Variants in STN1 observed in about 807,000 individuals in gnomAD.
The protein encoded by STN1 is STN1 subunit of CST complex, also known as CST complex subunit STN1.
A neutral mutation model predicts 45.5 loss-of-function variants in STN1; 29 were observed. The ratio of observed to expected loss-of-function variants is 0.64; its 90% confidence interval spans 0.47 to 0.87. The LOEUF is 0.87. Ranked by LOEUF, STN1 falls within the 40% of genes least tolerant of loss-of-function variation. The pLI is 0.00. For missense variants in STN1, 376 were observed against 441.4 expected (o/e 0.85, Z 1.33); for synonymous variants, 148 against 159.0 (o/e 0.93, Z 0.52).
At chr10:103,914,197 A>G (rs918113360) in intron 2 of STN1, among the ~76,000 whole-genome samples, 12 of 151,744 alleles carry the variant, frequency 7.9e-5, no homozygotes, top group African/African-American at 2.9e-4. Flanking sequence ...TACCCACTAG[A>G]ATAATAGGAT....
At chr10:103,890,785 A>G (rs1215345913) in intron 8 of STN1, among the ~76,000 whole-genome samples, 1 of 152,244 alleles carries the variant, frequency 6.6e-6, no homozygotes, top group Non-Finnish European at 1.5e-5. Context: ...GTAAATCAAC[A>G]TCAGGAAATG....
intron 6 of STN1, 148 bp downstream of exon 6, chr10:103,898,729 T>C (rs1445891679): frequency 4.0e-6 from 3 of 750,374 alleles, no homozygotes; most frequent in South Asian, 1.9e-5. Flanking sequence ...AATTGAAGCA[T>C]AGAGAGGGTT....
At chr10:103,888,080 A>G (rs1165565313) in intron 9 of STN1, among the ~76,000 whole-genome samples, 3 of 152,306 alleles carry the variant, frequency 2.0e-5, no homozygotes, top group Non-Finnish European at 4.4e-5. Flanking sequence ...CACTGAAATA[A>G]TATATTGCTT....
chr10:103,905,100 A>G lies in STN1; in HGVS notation c.286T>C (p.Ser96Pro). The change falls in exon 4 of 10, where the codon TCT becomes CCT. Residue 96 changes from serine to proline, a missense_variant. By Grantham distance (74) the Ser-to-Pro change is moderately conservative (BLOSUM62 -1). Coordinates refer to ENST00000224950, the MANE Select transcript of STN1 (RefSeq NM_024928.5). ...CICWKKLNTE[S>P]VSAAPSAARE... ...TGGCAAATAAAATTACCTGATACAGACTCAGTATTCAACTTTTTCCAGCAG... is the reference window on the plus strand; with the variant it reads ...TGGCAAATAAAATTACCTGATACAGGCTCAGTATTCAACTTTTTCCAGCAG... 1 of 1,613,746 alleles carries G rather than the reference A, an allele frequency of 6.2e-7. No homozygotes were observed. Among genetic ancestry groups the G allele is most frequent in the Non-Finnish European group, 8.5e-7 (1 of 1,179,644 alleles).
chr10:103,905,490 G>A (rs1843234714), intron 3 of STN1, among the ~76,000 whole-genome samples: 1 of 152,224 alleles, frequency 6.6e-6, no homozygotes, highest in Admixed American at 6.5e-5. Flanking sequence ...GCCTTGGGAA[G>A]TTAAGTGCAA....
intron 2 of STN1, among the ~76,000 whole-genome samples, chr10:103,912,465 G>A (rs1843298283): frequency 6.6e-6 from 1 of 152,190 alleles, no homozygotes; most frequent in South Asian, 2.1e-4. Flanking sequence ...CTGACCAAAC[G>A]CAAAAGGATA....
chr10:103,899,039 A>T, intron 5 of STN1, 39 bp from the exon 6 acceptor site: 1 of 1,609,600 alleles, frequency 6.2e-7, no homozygotes, highest in African/African-American at 1.3e-5. Flanking sequence ...CAGAAATTAC[A>T]AATTACATTG....
chr10:103,910,445 G>T, intron 3 of STN1, 82 bp downstream of exon 3: 1 of 881,760 alleles, frequency 1.1e-6, no homozygotes, highest in Non-Finnish European at 1.9e-6. Flanking sequence ...ACTCTAAATG[G>T]CTGGGGCTGC....
intron 5 of STN1, among the ~76,000 whole-genome samples, chr10:103,899,321 C>G (rs75218347): frequency 6.6e-6 from 1 of 152,184 alleles, no homozygotes; most frequent in Non-Finnish European, 1.5e-5. Context: ...CCAGCCAGCA[C>G]GTGCAAAGGG....
intron 9 of STN1, among the ~76,000 whole-genome samples, chr10:103,885,495 A>C (rs1253443842): frequency 6.6e-6 from 1 of 152,170 alleles, no homozygotes; most frequent in Admixed American, 6.5e-5. Flanking sequence ...TGTTCTGCTG[A>C]GGGTTATCTG....
chr10:103,914,366 A>AT (rs1437836812), intron 2 of STN1, among the ~76,000 whole-genome samples: 8 of 10,376 alleles, frequency 7.7e-4, no homozygotes, highest in African/African-American at 1.1e-3. Flanking sequence ...ATATATATAT[A>AT]TATATATATT....
At chr10:103,917,035 G>A (rs1455020067) in intron 2 of STN1, among the ~76,000 whole-genome samples, 1 of 152,038 alleles carries the variant, frequency 6.6e-6, no homozygotes, top group African/African-American at 2.4e-5. Context: ...ACAGGGTTAA[G>A]CTCCATTTTT....
chr10:103,891,803 T>C (rs527768988), intron 8 of STN1, among the ~76,000 whole-genome samples: 4 of 152,312 alleles, frequency 2.6e-5, no homozygotes, highest in African/African-American at 9.6e-5. Context: ...CACACTCAAG[T>C]CCTGAAGTTG....
rs916904747 is a variant in STN1, at chr10:103,878,331, C to T, written c.*4353G>A. ...CTGGTCTTCAGTACATGAGCAGTGA[C>T]CCAGCTGTGGTTAGCTCCAGAGAGT... On this transcript the variant is annotated 3_prime_UTR_variant, in exon 10 of 10. Transcript: ENST00000224950. The T allele has an allele frequency of 6.6e-6, 1 of 152,180 alleles. No individual in the cohort carries two copies. Among genetic ancestry groups the T allele is most frequent in the African/African-American group, 2.4e-5 (1 of 41,450 alleles). The allele number at this position is 152,180 out of a possible 1,614,324, so 9.4% of individuals were successfully genotyped here.
In STN1 at chr10:103,884,604, C is replaced by G. The variant is rs143937360; in HGVS notation, c.950-1763G>C. ...TCTCTGCCGTATACCCAGTATCTGG[C>G]ACACAAAAGGTGCTCCACAAAGTCA... On this transcript the variant is annotated intron_variant, in intron 9 of 9. Coordinates refer to ENST00000224950, the MANE Select transcript of STN1 (RefSeq NM_024928.5). Among the ~76,000 whole-genome samples, 236 of 152,292 alleles carry G rather than the reference C, an allele frequency of 1.5e-3. 1 individual carries two copies. The highest frequency in any genetic ancestry group is 5.7e-3 in the African/African-American group (235 of 41,558).
rs781293027 is a variant in STN1 at position 103,910,415 on chromosome 10, C to T, written c.229+112G>A. 17 of 652,856 alleles carry T rather than the reference C, an allele frequency of 2.6e-5. No individual in the cohort carries two copies. The highest frequency in any genetic ancestry group is 4.6e-5 in the Non-Finnish European group (17 of 365,618). The allele number at this position is 652,856 out of a possible 1,614,324, so 40.4% of individuals were successfully genotyped here. A position where few individuals can be genotyped will look rare whatever the true frequency, so the allele number is the denominator to read the frequency against. Reference sequence around the variant, plus strand: ...GCACCCCATAGAGAAAGTACATGCCCTTAGTGAGGGTCCCCAGCTACTCTA... The same window carrying T: ...GCACCCCATAGAGAAAGTACATGCCTTTAGTGAGGGTCCCCAGCTACTCTA... On this transcript the variant is annotated intron_variant, in intron 3 of 9. Coordinates refer to ENST00000224950, the MANE Select transcript of STN1 (RefSeq NM_024928.5).
intron 2 of STN1, among the ~76,000 whole-genome samples, 170 bp downstream of exon 2, chr10:103,917,292 G>GT (rs146664445): frequency 0.016 from 2,131 of 136,600 alleles, 50 homozygotes; most frequent in African/African-American, 0.052. Flanking sequence ...GATTTAGACT[G>GT]TTTTTTTTAC....
chr10:103,889,306 A>G (rs1843123496), intron 8 of STN1, among the ~76,000 whole-genome samples, 162 bp from the exon 9 acceptor site: 2 of 152,154 alleles, frequency 1.3e-5, no homozygotes, highest in African/African-American at 4.8e-5. Context: ...CTAGTGTCAA[A>G]CCAGTTCTGC....
intron 9 of STN1, among the ~76,000 whole-genome samples, chr10:103,886,061 T>A (rs1202303028): frequency 1.3e-5 from 2 of 152,208 alleles, no homozygotes; most frequent in Non-Finnish European, 2.9e-5. Flanking sequence ...CTTTAAGTCT[T>A]TTTTAAAAGT....
Sources: allele counts gnomAD v4.1 joint callset (sites outside exome capture counted in the v4.1 genomes callset), GRCh38; gene constraint gnomAD v4.1.1; transcripts MANE v1.5; gene names NCBI Gene and HGNC (gene_info 2026-07-23, HGNC 2026-07-21).